The following XPNPEP1 variants were observed in gnomAD, a reference collection of about 807,000 sequenced individuals.
XPNPEP1 encodes the protein X-prolyl aminopeptidase 1.
XPNPEP1 carries 39 observed loss-of-function variants against 92.4 expected under a neutral mutation model. The observed-to-expected ratio is 0.42, with a 90% CI of 0.33 to 0.55. The LOEUF (loss-of-function observed/expected upper bound fraction) is 0.55. XPNPEP1 is among the 20% of genes least tolerant of loss of function. XPNPEP1 has a pLI of 0.08. For missense variants in XPNPEP1, 654 were observed against 856.1 expected, an observed-to-expected ratio of 0.76 and a Z score of 2.95; for synonymous variants, 307 against 299.4, an observed-to-expected ratio of 1.03 and a Z score of -0.26.
At chr10:109,871,099 G>A in intron 17 of XPNPEP1, 195 bp from the exon 18 acceptor site, 1 of 571,654 alleles carries the variant, frequency 1.7e-6, no homozygotes, top group Non-Finnish European at 2.9e-6. Context: ...TCTGAAGCTA[G>A]GCGATCATCC....
chr10:109,920,956 G>T (rs1850504807), intron 1 of XPNPEP1, among the ~76,000 whole-genome samples: 1 of 152,140 alleles, frequency 6.6e-6, no homozygotes, highest in Non-Finnish European at 1.5e-5. Flanking sequence ...CAGAAACTAG[G>T]TCTGACAGGT....
intron 2 of XPNPEP1, among the ~76,000 whole-genome samples, chr10:109,908,430 C>T (rs951700721): frequency 2.0e-5 from 3 of 152,040 alleles, no homozygotes; most frequent in African/African-American, 7.2e-5. Context: ...TGGTGAAACC[C>T]CGTCTCTACA....
intron 13 of XPNPEP1, 25 bp downstream of exon 13, chr10:109,877,975 T>C: frequency 1.2e-6 from 2 of 1,614,250 alleles, no homozygotes; most frequent in Non-Finnish European, 8.5e-7. Context: ...ACGAGGCTCC[T>C]GGGTCCCCCC....
At chr10:109,919,957 G>A (rs567556423) in intron 1 of XPNPEP1, among the ~76,000 whole-genome samples, 45 of 152,218 alleles carry the variant, frequency 3.0e-4, no homozygotes, top group African/African-American at 8.7e-4. Flanking sequence ...ACTTGAACCC[G>A]GGAGGTGGAG....
rs753521602 is a variant in XPNPEP1, at chr10:109,888,146, G to C, written c.555C>G (p.His185Gln). ...MAKVLRSAGH[H>Q]LIPVKENLVD... ...CGAGGTTCTCCTTGACAGGAATGAG[G>C]TGATGGCCGGCACTTCTCAGAACTT... Residue 185 changes from histidine (H) to glutamine (Q), a missense_variant, in exon 7 of 21, where the codon CAC (histidine) becomes CAG (glutamine). Transcript: ENST00000502935. 1 of 1,613,862 alleles carries C rather than the reference G, an allele frequency of 6.2e-7. No homozygotes were observed. Among genetic ancestry groups the C allele is most frequent in the Non-Finnish European group, 8.5e-7 (1 of 1,180,022 alleles).
intron 16 of XPNPEP1, among the ~76,000 whole-genome samples, 176 bp from the exon 17 acceptor site, chr10:109,872,037 A>C (rs1189800913): frequency 2.0e-5 from 3 of 152,238 alleles, no homozygotes; most frequent in Non-Finnish European, 4.4e-5. Context: ...CCAATTTCCC[A>C]GAAAATCTTG....
At position 109,875,494 on chromosome 10, in the gene XPNPEP1, T is replaced by C. The variant is rs778399329; in HGVS notation, c.1391+34A>G. 13 of 1,606,858 alleles carry C rather than the reference T, an allele frequency of 8.1e-6. No homozygotes were observed. In the East Asian group the frequency reaches 1.6e-4, roughly 19 times the overall value. On this transcript the variant is annotated intron_variant, in intron 15 of 20. Coordinates refer to ENST00000502935, the MANE Select transcript of XPNPEP1 (RefSeq NM_020383.4). ...CACCTTCTCCACTGCCTCGAATCCA[T>C]AGTCAAGTTCCACAGCAGTCCTGGT... is the stretch of plus-strand genomic sequence containing the variant.
At position 109,923,401 on chromosome 10, in the gene XPNPEP1, C is replaced by G. The variant is rs1377303695; in HGVS notation, c.32+1G>C. ...GCCGGCTGCCGGCGGAGTGCCCTCA[C>G]CTTACTCGCGGTGGCTTTCTGGAGG... On this transcript the variant is annotated splice_donor_variant, in intron 1 of 20. Transcript: ENST00000502935. LOFTEE classifies it high-confidence loss of function. The G allele has an allele frequency of 7.6e-6, 11 of 1,440,900 alleles. No individual in the cohort carries two copies. The highest frequency in any genetic ancestry group is 1.0e-5 in the Non-Finnish European group (11 of 1,097,080). 89.3% of individuals were successfully genotyped at this position (1,440,900 alleles called of 1,614,324 possible).
chr10:109,871,733 A>T, intron 17 of XPNPEP1, 59 bp downstream of exon 17: 1 of 1,555,642 alleles, frequency 6.4e-7, no homozygotes, highest in Non-Finnish European at 8.8e-7. Flanking sequence ...TCAAACATAG[A>T]CATATTTGAT....
chr10:109,873,013 G>A (rs58922256), intron 16 of XPNPEP1, among the ~76,000 whole-genome samples: 1,897 of 152,280 alleles, frequency 0.012, 32 homozygotes, highest in African/African-American at 0.043. Flanking sequence ...AAAAAAAGAA[G>A]GGGGTGGCCT....
chr10:109,870,687 A>G (rs778929969), intron 18 of XPNPEP1, 44 bp downstream of exon 18: 8 of 1,546,596 alleles, frequency 5.2e-6, no homozygotes, highest in Admixed American at 4.2e-5. Context: ...GCTTTCAAAA[A>G]GGCTCAAGGA....
intron 12 of XPNPEP1, 133 bp from the exon 13 acceptor site, chr10:109,878,191 T>C (rs576268619): frequency 2.2e-6 from 2 of 921,418 alleles, no homozygotes; most frequent in Non-Finnish European, 3.4e-6. Context: ...ACAGGACACA[T>C]CTTTAGCAAG....
intron 9 of XPNPEP1, among the ~76,000 whole-genome samples, chr10:109,883,060 C>T (rs1214464827): frequency 6.6e-6 from 1 of 152,192 alleles, no homozygotes; most frequent in Admixed American, 6.5e-5. Flanking sequence ...TTCTTTACAA[C>T]TTGTACATCT....
chr10:109,886,753 G>T (rs1848413870), intron 7 of XPNPEP1, among the ~76,000 whole-genome samples: 2 of 152,114 alleles, frequency 1.3e-5, no homozygotes. Flanking sequence ...GATGCAACAG[G>T]GGACACACAG....
intron 3 of XPNPEP1, among the ~76,000 whole-genome samples, chr10:109,906,731 G>A (rs1849580109): frequency 6.6e-6 from 1 of 152,154 alleles, no homozygotes; most frequent in Non-Finnish European, 1.5e-5. Flanking sequence ...TGTTTCTGAA[G>A]AGCATCCGAA....
chr10:109,901,571 C>G (rs1849291760), intron 3 of XPNPEP1, among the ~76,000 whole-genome samples: 1 of 152,200 alleles, frequency 6.6e-6, no homozygotes. Flanking sequence ...TCAGTTCACA[C>G]TTTAAGTAAA....
chr10:109,890,591 TGTGA>T lies in XPNPEP1; in HGVS notation c.415+1127_415+1130del, dbSNP rs1386846601. 3.3e-3 allele frequency among the ~76,000 whole-genome samples: 305 copies of T among 91,334 alleles called. 1 individual carries two copies. The highest frequency in any genetic ancestry group is 0.011 in the African/African-American group (245 of 21,868). 59.9% of individuals were successfully genotyped at this position (91,334 alleles called of 152,430 possible). On this transcript the variant is annotated intron_variant, in intron 5 of 20. Coordinates refer to ENST00000502935, the MANE Select transcript of XPNPEP1 (RefSeq NM_020383.4). ...GTGTGTGTGTGTGTGTGTGTGTGTG[TGTGA>T]GAGAGAGAGAGAGAGAGAGAGAGAG...
intron 5 of XPNPEP1, among the ~76,000 whole-genome samples, chr10:109,888,971 G>A (rs140204159): frequency 3.3e-4 from 51 of 152,276 alleles, no homozygotes; most frequent in South Asian, 1.5e-3. Flanking sequence ...GAGAATTTGG[G>A]CAGTGATTTG....
intron 1 of XPNPEP1, among the ~76,000 whole-genome samples, chr10:109,918,376 G>A (rs1028098376): frequency 2.0e-5 from 3 of 152,048 alleles, no homozygotes; most frequent in Non-Finnish European, 2.9e-5. Context: ...AGCTGTGATC[G>A]CCCCACTGCA....
Sources: gnomAD v4.1 joint callset for allele counts (sites outside exome capture counted in the v4.1 genomes callset) on GRCh38, gnomAD v4.1.1 for gene constraint, MANE v1.5 for transcripts, NCBI Gene and HGNC (gene_info 2026-07-23, HGNC 2026-07-21) for gene names.